Variants in SEMA5B observed in about 807,000 individuals in gnomAD.
SEMA5B encodes the protein semaphorin 5B, also known as semaphorin-5B.
A neutral mutation model predicts 135.0 loss-of-function variants in SEMA5B; 66 were observed. The ratio of observed to expected loss-of-function variants is 0.49; its 90% CI spans 0.40 to 0.60. The LOEUF (loss-of-function observed/expected upper bound fraction) is 0.60. Among genes scored for constraint, SEMA5B ranks in the 20% least tolerant of loss-of-function variants. SEMA5B has a pLI of 0.00. For synonymous variants in SEMA5B, 690 were observed against 639.5 expected (o/e 1.08, Z -1.19); for missense variants, 1,501 against 1,566.3 (o/e 0.96, Z 0.70).
Position 122,943,498 on chromosome 3 carries a change from T to C in SEMA5B, c.366A>G (p.Gly122=). ...QPWVSNFTYP[G]ARDFSQLALD... ...AAGCCAGCTGGGAGAAATCCCGGGC[T>C]CCAGGGTAGGTGAAGTTAGAGACCC... Residue 122 remains glycine (G), a synonymous_variant, in exon 4 of 23, where the codon GGA becomes GGG. Coordinates refer to ENST00000357599, the MANE Select transcript of SEMA5B (RefSeq NM_001031702.4). The C allele has an allele frequency of 6.2e-7, 1 of 1,610,334 alleles. No individual in the cohort carries two copies. The highest frequency in any genetic ancestry group is 8.5e-7 in the Non-Finnish European group (1 of 1,178,934).
intron 10 of SEMA5B, 119 bp from the exon 11 acceptor site, chr3:122,922,566 C>A: frequency 2.3e-6 from 2 of 885,986 alleles, no homozygotes; most frequent in Non-Finnish European, 3.5e-6. Flanking sequence ...TCTCCAGCAC[C>A]CCCCACCCCT....
intron 1 of SEMA5B, among the ~76,000 whole-genome samples, chr3:123,005,325 T>A (rs1049558335): frequency 4.6e-5 from 7 of 152,140 alleles, no homozygotes; most frequent in African/African-American, 1.7e-4. Flanking sequence ...CCCCACCCCA[T>A]CCTGTCTCAC....
intron 1 of SEMA5B, among the ~76,000 whole-genome samples, chr3:123,009,533 CTG>C (rs57928598): frequency 2.0e-5 from 3 of 151,202 alleles, no homozygotes; most frequent in South Asian, 2.1e-4. Flanking sequence ...GTATGTGTGT[CTG>C]TGTGTGTGTG....
At chr3:123,010,802 C>T (rs1368269352) in intron 1 of SEMA5B, among the ~76,000 whole-genome samples, 1 of 125,538 alleles carries the variant, frequency 8.0e-6, no homozygotes, top group Non-Finnish European at 1.6e-5. Context: ...GAGTGAGTCT[C>T]CATCTCAAAA....
chr3:122,954,531 T>G (rs898271898), intron 2 of SEMA5B, among the ~76,000 whole-genome samples: 2 of 152,234 alleles, frequency 1.3e-5, no homozygotes, highest in Admixed American at 6.5e-5. Context: ...CAACCTGCCC[T>G]GCTCAAAACT....
At chr3:122,990,150 A>G (rs1410738077) in intron 1 of SEMA5B, among the ~76,000 whole-genome samples, 1 of 152,184 alleles carries the variant, frequency 6.6e-6, no homozygotes, top group Non-Finnish European at 1.5e-5. Flanking sequence ...AGCACCTCTC[A>G]GCGCCCTTCC....
At chr3:122,926,079 G>A (rs1266616481) in intron 9 of SEMA5B, among the ~76,000 whole-genome samples, 2 of 152,188 alleles carry the variant, frequency 1.3e-5, no homozygotes, top group African/African-American at 4.8e-5. Flanking sequence ...GGCTATTGCT[G>A]CCTGCTCCCC....
At chr3:122,992,845 TC>T (rs1285945880) in intron 1 of SEMA5B, 4 of 151,634 alleles carry the variant, frequency 2.6e-5, no homozygotes, top group Admixed American at 1.3e-4. Context: ...GGAGAAGCAG[TC>T]TCGGGGAAGC....
rs369063214 is a variant in SEMA5B at position 122,982,591 on chromosome 3, G to T, written c.-38-21290C>A. Among the ~76,000 whole-genome samples, 60 of 152,210 alleles carry T rather than the reference G, an allele frequency of 3.9e-4. 2 individuals carry two copies. The South Asian group carries it at 6.2e-3, about 16-fold the overall frequency. ...CATTCAACAGCCAACTTTTTATTTG[G>T]TTTTTTCAAGTGCCCCAGCCCTCCT... On this transcript the variant is annotated intron_variant, in intron 1 of 22. Coordinates refer to ENST00000357599, the MANE Select transcript of SEMA5B (RefSeq NM_001031702.4).
Position 122,928,580 on chromosome 3 carries a change from G to A in SEMA5B, c.573C>T (p.Val191=), listed in dbSNP as rs777940305. ...CACACATGAACACCTTCCGGCCGGC[G>A]ACGATCAGGACTCGCACGTAGTTCT... The part of the protein sequence containing the change: ...ECQNYVRVLI[V]AGRKVFMCGT... The change falls in exon 7 of 23, where the codon GTC becomes GTT. Residue 191 remains valine (V), a synonymous_variant. Coordinates refer to ENST00000357599, the MANE Select transcript of SEMA5B (RefSeq NM_001031702.4). The A allele has an allele frequency of 3.2e-5, 50 of 1,562,260 alleles. No individual in the cohort carries two copies. Among genetic ancestry groups the A allele is most frequent in the South Asian group, 1.2e-4 (10 of 84,686 alleles).
chr3:122,992,848 C>T (rs946613762), intron 1 of SEMA5B: 2 of 151,788 alleles, frequency 1.3e-5, no homozygotes, highest in Non-Finnish European at 1.5e-5. Flanking sequence ...GAAGCAGTCT[C>T]GGGGAAGCCA....
At chr3:122,984,266 C>T (rs1941626361) in intron 1 of SEMA5B, among the ~76,000 whole-genome samples, 1 of 152,242 alleles carries the variant, frequency 6.6e-6, no homozygotes, top group African/African-American at 2.4e-5. Context: ...ACTCTCCCCT[C>T]AGGTCTGTCT....
chr3:122,915,396 C>A, intron 14 of SEMA5B, 44 bp downstream of exon 14: 13 of 1,553,760 alleles, frequency 8.4e-6, no homozygotes, highest in Non-Finnish European at 1.1e-5. Flanking sequence ...GTTCTCCCCA[C>A]CCTGGTCCAA....
intron 3 of SEMA5B, among the ~76,000 whole-genome samples, chr3:122,944,272 C>A (rs1485064927): frequency 4.6e-5 from 7 of 152,224 alleles, no homozygotes; most frequent in Non-Finnish European, 1.5e-5. Flanking sequence ...ATCCATCCCA[C>A]AAGAGCCTGC....
chr3:123,017,493 T>G (rs1478140457), intron 1 of SEMA5B, among the ~76,000 whole-genome samples: 1 of 151,928 alleles, frequency 6.6e-6, no homozygotes, highest in African/African-American at 2.4e-5. Context: ...TAGTAAAGGG[T>G]TGCAGGTTGT....
chr3:122,968,293 C>T (rs1035735354), intron 1 of SEMA5B, among the ~76,000 whole-genome samples: 7 of 152,154 alleles, frequency 4.6e-5, no homozygotes, highest in African/African-American at 7.2e-5. Context: ...ATTATAATTG[C>T]GATAATTATG....
At chr3:122,976,820 C>T (rs2053652) in intron 1 of SEMA5B, among the ~76,000 whole-genome samples, 15,017 of 152,200 alleles carry the variant, frequency 0.099, 793 homozygotes, top group Middle Eastern at 0.16. Flanking sequence ...AAGGCCAAGG[C>T]GGGCAGATCA....
At chr3:123,002,502 C>T (rs57998066) in intron 1 of SEMA5B, among the ~76,000 whole-genome samples, 9,791 of 152,200 alleles carry the variant, frequency 0.064, 909 homozygotes, top group African/African-American at 0.21. Flanking sequence ...CTTCTACTGG[C>T]GAAAACAACC....
chr3:122,984,413 C>G (rs376228477), intron 1 of SEMA5B, among the ~76,000 whole-genome samples: 18 of 152,358 alleles, frequency 1.2e-4, no homozygotes, highest in Admixed American at 6.5e-4. Flanking sequence ...CCACTAAAAC[C>G]CCCCTTTGCT....
Sources: gnomAD v4.1 joint callset for allele counts (sites outside exome capture counted in the v4.1 genomes callset) on GRCh38, gnomAD v4.1.1 for gene constraint, MANE v1.5 for transcripts, NCBI Gene and HGNC (gene_info 2026-07-23, HGNC 2026-07-21) for gene names.